The following ASB1 variants were observed in gnomAD, a reference collection of about 807,000 sequenced individuals.
The protein encoded by ASB1 is ankyrin repeat and SOCS box protein 1.
In ASB1, 18 loss-of-function variants were observed where a neutral mutation model predicts 27.7. That is an observed-to-expected ratio of 0.65 (90% confidence interval 0.45 to 0.96). ASB1 has a LOEUF of 0.96. ASB1 is among the 50% of genes least tolerant of loss of function. The pLI is 0.00. For synonymous variants in ASB1, 189 were observed against 187.6 expected (o/e 1.01, Z -0.06); for missense variants, 397 against 451.7 (o/e 0.88, Z 1.10).
intron 2 of ASB1, among the ~76,000 whole-genome samples, chr2:238,434,783 C>T (rs746369288): frequency 1.8e-4 from 28 of 152,322 alleles, no homozygotes; most frequent in African/African-American, 6.3e-4. Flanking sequence ...CCAAGTCTTT[C>T]TATATTGCAT....
chr2:238,427,041 T>G lies in ASB1; in HGVS notation c.-30T>G. The G allele has an allele frequency of 8.0e-7, 1 of 1,256,290 alleles. No individual in the cohort carries two copies. The highest frequency in any genetic ancestry group is 1.0e-6 in the Non-Finnish European group (1 of 1,001,238). The allele number at this position is 1,256,290 out of a possible 1,614,324, so 77.8% of individuals were successfully genotyped here. ...TTCCTGCCCGAGGGGCGTGCGCGGG[T>G]CAGGGGCGGCCGCGGAGGCGGAAGC... On this transcript the variant is annotated 5_prime_UTR_variant, in exon 1 of 5. Transcript: ENST00000264607.
chr2:238,439,841 T>A (rs1269888950), intron 3 of ASB1, among the ~76,000 whole-genome samples: 6 of 152,218 alleles, frequency 3.9e-5, no homozygotes, highest in Admixed American at 1.3e-4. Flanking sequence ...TTCGCTCCCG[T>A]AAAGCTATTC....
In ASB1 at chr2:238,446,707, A is replaced by G. The variant is rs1702188027; in HGVS notation, c.*196A>G. ...GGTCATTGTCAGCTGAGAGGCTTAT[A>G]CTAAAGTTATTATTGTTTTTCCCAA... On this transcript the variant is annotated 3_prime_UTR_variant, in exon 5 of 5. Transcript: ENST00000264607. 1.6e-6 allele frequency: 1 copy of G among 610,264 alleles called. No homozygotes were observed. The highest frequency in any genetic ancestry group is 2.8e-6 in the Non-Finnish European group (1 of 353,994). 37.8% of individuals were successfully genotyped at this position (610,264 alleles called of 1,614,324 possible). A position where few individuals can be genotyped will look rare whatever the true frequency, so the allele number is the denominator to read the frequency against.
rs972548219 is a variant in ASB1 at position 238,451,590 on chromosome 2, C to T, written c.*5079C>T. 1 of 152,684 alleles carries T rather than the reference C, an allele frequency of 6.5e-6. No homozygotes were observed. Among genetic ancestry groups the T allele is most frequent in the Admixed American group, 6.5e-5 (1 of 15,280 alleles). 9.5% of individuals were successfully genotyped at this position (152,684 alleles called of 1,614,324 possible). On this transcript the variant is annotated 3_prime_UTR_variant, in exon 5 of 5. Transcript: ENST00000264607. ...ATGCTCACCACCAGCTCTCTGTTTCCCTTTCTGCTTTGGTAATCAACACGT... is the reference window on the plus strand; with the variant it reads ...ATGCTCACCACCAGCTCTCTGTTTCTCTTTCTGCTTTGGTAATCAACACGT...
chr2:238,442,477 G>T (rs941548611), intron 3 of ASB1, among the ~76,000 whole-genome samples: 3 of 151,964 alleles, frequency 2.0e-5, no homozygotes, highest in African/African-American at 7.3e-5. Context: ...ATACGTTAAG[G>T]GTATTAACCC....
intron 3 of ASB1, among the ~76,000 whole-genome samples, chr2:238,441,904 G>T (rs1702084988): frequency 6.6e-6 from 1 of 152,204 alleles, no homozygotes; most frequent in African/African-American, 2.4e-5. Context: ...TTGACAGATT[G>T]CCCACTCCAC....
chr2:238,450,199 C>T lies in ASB1; in HGVS notation c.*3688C>T, dbSNP rs1702256073. 6.6e-6 allele frequency: 1 copy of T among 152,292 alleles called. No individual in the cohort carries two copies. The highest frequency in any genetic ancestry group is 2.4e-5 in the African/African-American group (1 of 41,436). 9.4% of individuals were successfully genotyped at this position (152,292 alleles called of 1,614,324 possible). A position where few individuals can be genotyped will look rare whatever the true frequency, so the allele number is the denominator to read the frequency against. On this transcript the variant is annotated 3_prime_UTR_variant, in exon 5 of 5. Transcript: ENST00000264607. ...GGAGATCCGGGCTGGACTGTGGACC[C>T]CGATGGGCCAGAGTCCTTGTGGCCC...
chr2:238,441,622 C>T (rs746458003), intron 3 of ASB1, among the ~76,000 whole-genome samples: 3 of 152,168 alleles, frequency 2.0e-5, no homozygotes, highest in Non-Finnish European at 2.9e-5. Context: ...TTCCTGTGCT[C>T]GGAGGCTGCT....
At chr2:238,443,338 A>G (rs764019189) in intron 3 of ASB1, among the ~76,000 whole-genome samples, 19 of 152,256 alleles carry the variant, frequency 1.2e-4, no homozygotes, top group Non-Finnish European at 2.4e-4. Context: ...TTTCCCTTCT[A>G]CTTTTTATAT....
chr2:238,434,440 C>T (rs955743849), intron 2 of ASB1, among the ~76,000 whole-genome samples: 5 of 152,206 alleles, frequency 3.3e-5, no homozygotes, highest in African/African-American at 9.7e-5. Context: ...GTTGTGTTTC[C>T]GCGTTCCCTT....
At chr2:238,433,440 AT>A (rs534183873) in intron 1 of ASB1, 113 bp from the exon 2 acceptor site, 282 of 1,279,268 alleles carry the variant, frequency 2.2e-4, no homozygotes, top group African/African-American at 8.5e-4. Flanking sequence ...TTTCTTGAGC[AT>A]TTGAAGGTGC....
rs189830961 is a variant in ASB1 at position 238,439,147 on chromosome 2, G to T, written c.494+3134G>T. On this transcript the variant is annotated intron_variant, in intron 3 of 4. Transcript: ENST00000264607. ...TTTTCCTTTGCTTAATTGGTTGGGT[G>T]TATGAAATGAAATATCAATTTCTTG... Among the ~76,000 whole-genome samples, 16 of 152,336 alleles carry T rather than the reference G, an allele frequency of 1.1e-4. No homozygotes were observed. The East Asian group carries it at 2.9e-3, about 28-fold the overall frequency.
chr2:238,433,450 G>C (rs1277613108), intron 1 of ASB1, 104 bp from the exon 2 acceptor site: 1 of 1,356,488 alleles, frequency 7.4e-7, no homozygotes, highest in African/African-American at 1.4e-5. Flanking sequence ...ATTTGAAGGT[G>C]CCCCGTAGCT....
chr2:238,440,314 T>C (rs1173664326), intron 3 of ASB1, among the ~76,000 whole-genome samples: 1 of 152,254 alleles, frequency 6.6e-6, no homozygotes, highest in Non-Finnish European at 1.5e-5. Flanking sequence ...TAAGGTTGTA[T>C]GTACATTCCA....
chr2:238,435,977 G>A lies in ASB1; in HGVS notation c.458G>A (p.Arg153His), dbSNP rs751409065. The change falls in exon 3 of 5, where the codon CGC becomes CAC. Residue 153 changes from arginine (R) to histidine (H), a missense_variant. By Grantham distance (29) the Arg-to-His change is conservative. Coordinates refer to ENST00000264607, the MANE Select transcript of ASB1 (RefSeq NM_001040445.3). ...AGCACCCCTGTCTACCACGCCTCTC[G>A]CGTGGGCCGGGCAGACATCCTGAAG... Reference protein sequence around the residue: ...HRSTPVYHASRVGRADILKAL... With the variant: ...HRSTPVYHASHVGRADILKAL... 5 of 1,613,524 alleles carry A rather than the reference G, an allele frequency of 3.1e-6. No homozygotes were observed. Among genetic ancestry groups the A allele is most frequent in the East Asian group, 2.2e-5 (1 of 44,894 alleles).
At chr2:238,429,330 G>A (rs1488462082) in intron 1 of ASB1, among the ~76,000 whole-genome samples, 1 of 152,112 alleles carries the variant, frequency 6.6e-6, no homozygotes, top group Admixed American at 6.5e-5. Context: ...ACTTACACAC[G>A]AATCTGTGTA....
chr2:238,444,805 A>T (rs1702147157), intron 4 of ASB1, 78 bp downstream of exon 4: 2 of 1,473,326 alleles, frequency 1.4e-6, no homozygotes, highest in South Asian at 1.4e-5. Context: ...AACAAAAAAC[A>T]AAAACCTCCA....
chr2:238,438,198 C>CTTTTTTTTTTTT (rs1559414171), intron 3 of ASB1, among the ~76,000 whole-genome samples: 5 of 44,978 alleles, frequency 1.1e-4, no homozygotes, highest in African/African-American at 3.0e-4. Context: ...AGATGCCCTT[C>CTTTTTTTTTTTT]ATTTTTTTTT....
At chr2:238,442,618 G>C (rs1702099967) in intron 3 of ASB1, among the ~76,000 whole-genome samples, 1 of 152,132 alleles carries the variant, frequency 6.6e-6, no homozygotes, top group African/African-American at 2.4e-5. Flanking sequence ...TGTGGATTTT[G>C]TGTCAGAATT....
Sources: gnomAD v4.1 joint callset for allele counts (sites outside exome capture counted in the v4.1 genomes callset) on GRCh38, gnomAD v4.1.1 for gene constraint, MANE v1.5 for transcripts, NCBI Gene and HGNC (gene_info 2026-07-23, HGNC 2026-07-21) for gene names.